PHF21A: variants seen among roughly 807,000 people sequenced by gnomAD.
The protein encoded by PHF21A is BHC80a.
PHF21A carries 11 observed loss-of-function variants against 82.5 expected under a neutral mutation model. The ratio of observed to expected loss-of-function variants is 0.13; its 90% CI spans 0.08 to 0.22. The LOEUF (loss-of-function observed/expected upper bound fraction) is 0.22, where lower values mean the gene tolerates loss of function less well. PHF21A is among the 10% of genes least tolerant of loss of function. The probability of loss-of-function intolerance (pLI) is 1.00; values close to 1 mark genes in which losing one functional copy is unlikely to be tolerated. For missense variants in PHF21A, 579 were observed against 837.8 expected (o/e 0.69, Z 3.81); for synonymous variants, 297 against 302.8 (o/e 0.98, Z 0.20).
intron 6 of PHF21A, among the ~76,000 whole-genome samples, chr11:46,027,259 G>A (rs2095766099): frequency 6.6e-6 from 1 of 152,126 alleles, no homozygotes; most frequent in Admixed American, 6.5e-5. Flanking sequence ...AACATGAACA[G>A]GCCAAGGAAA....
intron 1 of PHF21A, among the ~76,000 whole-genome samples, chr11:46,097,643 C>G (rs2097020005): frequency 2.6e-5 from 4 of 152,174 alleles, no homozygotes; most frequent in Non-Finnish European, 5.9e-5. Flanking sequence ...CCAAATCTCA[C>G]CCACACACTA....
chr11:46,013,586 C>T (rs552939373), intron 6 of PHF21A, among the ~76,000 whole-genome samples: 16 of 152,272 alleles, frequency 1.1e-4, no homozygotes, highest in African/African-American at 3.6e-4. Flanking sequence ...TCATGTGTTG[C>T]TTAATAACAG....
intron 10 of PHF21A, among the ~76,000 whole-genome samples, chr11:45,965,106 T>G (rs1214288905): frequency 6.6e-6 from 1 of 152,246 alleles, no homozygotes; most frequent in Non-Finnish European, 1.5e-5. Context: ...CCAGCCCATC[T>G]ACGAGGGGAT....
At chr11:45,977,586 C>A (rs2094097668) in intron 7 of PHF21A, among the ~76,000 whole-genome samples, 1 of 152,172 alleles carries the variant, frequency 6.6e-6, no homozygotes, top group African/African-American at 2.4e-5. Context: ...GGAAAGAGAA[C>A]AACCTAACCC....
At chr11:46,036,296 C>T (rs1347684985) in intron 6 of PHF21A, among the ~76,000 whole-genome samples, 1 of 152,164 alleles carries the variant, frequency 6.6e-6, no homozygotes, top group East Asian at 1.9e-4. Context: ...GAGTACAGTT[C>T]AGGACATCCT....
intron 1 of PHF21A, among the ~76,000 whole-genome samples, chr11:46,095,174 C>A (rs962741464): frequency 8.0e-5 from 7 of 87,804 alleles, no homozygotes; most frequent in Admixed American, 1.5e-4. Context: ...AATTGACTAC[C>A]ATTTGGAAAT....
At chr11:46,066,751 A>G (rs934165805) in intron 6 of PHF21A, among the ~76,000 whole-genome samples, 8 of 152,270 alleles carry the variant, frequency 5.3e-5, no homozygotes, top group Admixed American at 4.6e-4. Flanking sequence ...TAACAAAAGC[A>G]TATATAAAGT....
chr11:46,084,173 A>C lies in PHF21A; in HGVS notation c.47T>G (p.Val16Gly), dbSNP rs1214840399. The C allele has an allele frequency of 2.5e-6, 4 of 1,599,398 alleles. No individual in the cohort carries two copies. Among genetic ancestry groups the C allele is most frequent in the Non-Finnish European group, 3.4e-6 (4 of 1,175,034 alleles). Residue 16 changes from valine (V) to glycine (G), a missense_variant, in exon 4 of 19, where the codon GTT becomes GGT. Coordinates refer to ENST00000676320, the MANE Select transcript of PHF21A (RefSeq NM_001352027.3). ...GCCAATAATACAACTTACCTGGTGA[A>C]CCTGAATTTCCACTTTAAGAGCCTC... Reference protein sequence around the residue: ...LQEALKVEIQVHQKLVAQMKQ... With the variant: ...LQEALKVEIQGHQKLVAQMKQ...
At chr11:45,973,546 C>T (rs1003036550) in intron 7 of PHF21A, among the ~76,000 whole-genome samples, 3 of 152,118 alleles carry the variant, frequency 2.0e-5, no homozygotes, top group African/African-American at 4.8e-5. Flanking sequence ...AGAGTAAACG[C>T]GGAACACTGA....
chr11:45,953,990 A>G (rs2092408325), intron 10 of PHF21A, among the ~76,000 whole-genome samples: 2 of 152,046 alleles, frequency 1.3e-5, no homozygotes, highest in Non-Finnish European at 2.9e-5. Flanking sequence ...CAAGCCTGCT[A>G]TTTTTTGTTG....
chr11:46,081,821 T>C (rs552839815), intron 4 of PHF21A, among the ~76,000 whole-genome samples: 2 of 152,248 alleles, frequency 1.3e-5, no homozygotes, highest in Non-Finnish European at 2.9e-5. Flanking sequence ...ACTCATTCAT[T>C]TATATATTGT....
chr11:46,080,986 T>C (rs779977513), intron 4 of PHF21A, among the ~76,000 whole-genome samples: 13 of 152,210 alleles, frequency 8.5e-5, no homozygotes, highest in Non-Finnish European at 1.8e-4. Context: ...CTAACAACCC[T>C]GAAACCCAGC....
Position 45,934,211 on chromosome 11 carries a change from C to T in PHF21A, c.1803G>A (p.Met601Ile). ...TCTGCCGGGCCAGGATGGTGTTCTT[C>T]ATTTCCATGCATTTCTGCAGCAAAT... is the stretch of plus-strand genomic sequence containing the variant. ...LSNSISKCMEMKNTILARQKE... is the reference protein window; with the variant it reads ...LSNSISKCMEIKNTILARQKE... The change falls in exon 19 of 19, where the codon ATG becomes ATA. Residue 601 changes from methionine (M) to isoleucine (I), a missense_variant. This residue lies in a region of PHF21A where 157 missense variants were observed against 149.4 expected (regional missense o/e 1.05). Coordinates refer to ENST00000676320, the MANE Select transcript of PHF21A (RefSeq NM_001352027.3). The T allele has an allele frequency of 1.2e-6, 2 of 1,612,614 alleles. No homozygotes were observed. The highest frequency in any genetic ancestry group is 8.5e-7 in the Non-Finnish European group (1 of 1,179,840).
At chr11:45,935,763 A>G in intron 17 of PHF21A, 24 bp from the exon 18 acceptor site, 1 of 904,652 alleles carries the variant, frequency 1.1e-6, no homozygotes, top group Non-Finnish European at 1.7e-6. Flanking sequence ...AAAAAAAAAA[A>G]AGGAACGGTT....
intron 6 of PHF21A, among the ~76,000 whole-genome samples, chr11:46,011,103 T>C (rs2095405091): frequency 6.6e-6 from 1 of 152,224 alleles, no homozygotes; most frequent in Non-Finnish European, 1.5e-5. Context: ...TCTTTGATCT[T>C]GCCACTAGAT....
At chr11:45,952,347 T>A (rs1474351098) in intron 11 of PHF21A, among the ~76,000 whole-genome samples, 1 of 152,116 alleles carries the variant, frequency 6.6e-6, no homozygotes, top group Admixed American at 6.5e-5. Context: ...GCTCAAGTGA[T>A]CCTCCCACCT....
chr11:46,005,876 T>C (rs1191347959), intron 6 of PHF21A, among the ~76,000 whole-genome samples: 1 of 152,230 alleles, frequency 6.6e-6, no homozygotes. Flanking sequence ...TTTTTTTGCA[T>C]GTGAATCGTA....
intron 6 of PHF21A, among the ~76,000 whole-genome samples, chr11:46,011,164 T>G (rs942963643): frequency 2.0e-5 from 3 of 152,094 alleles, no homozygotes; most frequent in African/African-American, 7.2e-5. Context: ...TAACTTCACT[T>G]TTTAGCCTGG....
intron 4 of PHF21A, among the ~76,000 whole-genome samples, chr11:46,083,331 C>T (rs1001196214): frequency 2.0e-5 from 3 of 152,220 alleles, no homozygotes; most frequent in Non-Finnish European, 4.4e-5. Context: ...CACACTAATT[C>T]TGAGCAATGT....
Sources: allele counts gnomAD v4.1 joint callset (sites outside exome capture counted in the v4.1 genomes callset), GRCh38; gene constraint gnomAD v4.1.1; regional missense constraint gnomAD v4.1.1; transcripts MANE v1.5; gene names NCBI Gene and HGNC (gene_info 2026-07-23, HGNC 2026-07-21).